The following GPC6 variants were observed in gnomAD, a reference collection of about 807,000 sequenced individuals.
GPC6 encodes glypican 6.
A neutral mutation model predicts 55.2 loss-of-function variants in GPC6; 14 were observed. The observed-to-expected ratio is 0.25, with a 90% CI of 0.17 to 0.40. The LOEUF (loss-of-function observed/expected upper bound fraction) is 0.40, where lower values mean the gene tolerates loss of function less well. Among genes scored for constraint, GPC6 ranks in the 10% least tolerant of loss-of-function variants. GPC6 has a pLI of 1.00. For synonymous variants in GPC6, 278 were observed against 259.6 expected, an observed-to-expected ratio of 1.07 and a Z score of -0.68; for missense variants, 641 against 708.5, an observed-to-expected ratio of 0.90 and a Z score of 1.08.
At chr13:93,324,848 C>T (rs1879595939) in intron 1 of GPC6, among the ~76,000 whole-genome samples, 1 of 151,854 alleles carries the variant, frequency 6.6e-6, no homozygotes, top group Non-Finnish European at 1.5e-5. Flanking sequence ...GCTATGTGTT[C>T]AGACACCCAC....
At chr13:93,551,563 G>C (rs1014318696) in intron 2 of GPC6, among the ~76,000 whole-genome samples, 1 of 152,150 alleles carries the variant, frequency 6.6e-6, no homozygotes, top group Non-Finnish European at 1.5e-5. Flanking sequence ...GAGGCAGAAT[G>C]CTCCTTAAAG....
At chr13:94,256,132 T>A (rs1172314590) in intron 4 of GPC6, among the ~76,000 whole-genome samples, 1 of 152,212 alleles carries the variant, frequency 6.6e-6, no homozygotes, top group Non-Finnish European at 1.5e-5. Context: ...GAAATAATTA[T>A]CACACTGGAT....
rs78639935 is a variant in GPC6, at chr13:93,935,648, A to G, written c.712-92081A>G. Among the ~76,000 whole-genome samples, 113 of 152,292 alleles carry G rather than the reference A, an allele frequency of 7.4e-4. 3 individuals are homozygous for G. In the East Asian group the frequency reaches 0.02, roughly 26 times the overall value. On this transcript the variant is annotated intron_variant, in intron 3 of 8. Transcript: ENST00000377047. The stretch of plus-strand genomic sequence containing the variant: ...TAAAATTACATACGCAATTCACATT[A>G]TATTTCTGTTGGAGAGCACTATTCT...
chr13:94,372,543 C>T (rs1311952894), intron 6 of GPC6, among the ~76,000 whole-genome samples: 2 of 152,224 alleles, frequency 1.3e-5, no homozygotes, highest in African/African-American at 4.8e-5. Context: ...GTATATCCCG[C>T]ACCTGGCTCG....
rs185534004 is a variant in GPC6, at chr13:93,905,637, T to C, written c.711+75092T>C. Among the ~76,000 whole-genome samples, 570 of 152,298 alleles carry C rather than the reference T, an allele frequency of 3.7e-3. 13 individuals carry two copies. The highest frequency in any genetic ancestry group is 4.1e-3 in the Non-Finnish European group (282 of 68,030). ...TAGAAGCTAATTTAATCAATAAATA[T>C]GTTTTGGAATTTTGTTTTACAACAC... is the stretch of plus-strand genomic sequence containing the variant. On this transcript the variant is annotated intron_variant, in intron 3 of 8. Transcript: ENST00000377047.
chr13:93,795,648 G>A (rs976512785), intron 2 of GPC6, among the ~76,000 whole-genome samples: 1 of 152,182 alleles, frequency 6.6e-6, no homozygotes, highest in South Asian at 2.1e-4. Flanking sequence ...ATAAGATAGA[G>A]ATGTTAAAAG....
At chr13:93,477,212 G>C (rs1222488354) in intron 1 of GPC6, among the ~76,000 whole-genome samples, 1 of 151,938 alleles carries the variant, frequency 6.6e-6, no homozygotes, top group East Asian at 1.9e-4. Flanking sequence ...GAGTATCCCA[G>C]ATTTTAAAAT....
intron 3 of GPC6, among the ~76,000 whole-genome samples, chr13:93,945,790 T>C (rs1878980326): frequency 6.6e-6 from 1 of 152,212 alleles, no homozygotes. Context: ...CCTGCATCTG[T>C]AGCCTGTCTG....
At chr13:94,282,436 C>G (rs55688022) in intron 4 of GPC6, among the ~76,000 whole-genome samples, 42,187 of 152,078 alleles carry the variant, frequency 0.28, 6,987 homozygotes, top group Non-Finnish European at 0.38. Context: ...AGGATAACTG[C>G]CCCCATGATT....
chr13:93,816,472 T>C (rs984739943), intron 2 of GPC6, among the ~76,000 whole-genome samples: 1 of 152,038 alleles, frequency 6.6e-6, no homozygotes, highest in African/African-American at 2.4e-5. Context: ...TACGTTGTTG[T>C]TACATTCTGT....
At chr13:93,737,600 T>G (rs1884049585) in intron 2 of GPC6, among the ~76,000 whole-genome samples, 1 of 152,118 alleles carries the variant, frequency 6.6e-6, no homozygotes, top group Non-Finnish European at 1.5e-5. Flanking sequence ...CTTGAGAGAC[T>G]CGGGAAAGCT....
chr13:93,949,244 A>G (rs564709195), intron 3 of GPC6, among the ~76,000 whole-genome samples: 1 of 152,220 alleles, frequency 6.6e-6, no homozygotes, highest in South Asian at 2.1e-4. Flanking sequence ...CTTAGTGCCT[A>G]TAACCTACAA....
At position 94,252,643 on chromosome 13, in the gene GPC6, T is replaced by G. The variant is rs1214988272; in HGVS notation, c.878-33706T>G. ...ACAACAAAAGTTGTCTCTTAGTGTG[T>G]GTTATCTTTAGTATTAATCATGAGG... On this transcript the variant is annotated intron_variant, in intron 4 of 8. Coordinates refer to ENST00000377047, the MANE Select transcript of GPC6 (RefSeq NM_005708.5). 2.0e-5 allele frequency among the ~76,000 whole-genome samples: 3 copies of G among 152,140 alleles called. No individual in the cohort carries two copies. The East Asian group carries it at 5.8e-4, about 29-fold the overall frequency.
chr13:93,617,499 C>A (rs182204229), intron 2 of GPC6, among the ~76,000 whole-genome samples: 114 of 152,136 alleles, frequency 7.5e-4, no homozygotes, highest in African/African-American at 2.6e-3. Context: ...TGAGCAGACC[C>A]ATCTGCATGG....
chr13:94,217,811 A>G (rs1004440096), intron 4 of GPC6, among the ~76,000 whole-genome samples: 9 of 152,172 alleles, frequency 5.9e-5, no homozygotes, highest in African/African-American at 1.2e-4. Flanking sequence ...ATTAACTTAC[A>G]TTGTATCCTA....
chr13:93,618,042 T>G (rs569950728), intron 2 of GPC6, among the ~76,000 whole-genome samples: 1 of 152,226 alleles, frequency 6.6e-6, no homozygotes, highest in South Asian at 2.1e-4. Flanking sequence ...AGAATATACA[T>G]GGACATACAT....
At position 93,292,717 on chromosome 13, in the gene GPC6, T is replaced by A. The variant is rs1187388444; in HGVS notation, c.160+65101T>A. Among the ~76,000 whole-genome samples the A allele has an allele frequency of 2.6e-5, 4 of 151,054 alleles. No homozygotes were observed. The South Asian group carries it at 8.4e-4, about 32-fold the overall frequency. The stretch of plus-strand genomic sequence containing the variant: ...AAAATACACAATTACTTTAAATGTA[T>A]AATTACCATCATTCTTTTCCCTATA... On this transcript the variant is annotated intron_variant, in intron 1 of 8. Transcript: ENST00000377047.
chr13:93,852,180 C>G (rs961642759), intron 3 of GPC6, among the ~76,000 whole-genome samples: 4 of 151,756 alleles, frequency 2.6e-5, no homozygotes, highest in South Asian at 2.1e-4. Context: ...TATATCTACT[C>G]TAGTCTCATT....
intron 2 of GPC6, among the ~76,000 whole-genome samples, chr13:93,767,403 C>T (rs919170389): frequency 1.4e-4 from 21 of 152,080 alleles, no homozygotes; most frequent in African/African-American, 4.6e-4. Context: ...TTTCGGTGTT[C>T]GAAGTCAGTT....
Sources: gnomAD v4.1 joint callset for allele counts (sites outside exome capture counted in the v4.1 genomes callset) on GRCh38, gnomAD v4.1.1 for gene constraint, MANE v1.5 for transcripts, NCBI Gene and HGNC (gene_info 2026-07-23, HGNC 2026-07-21) for gene names.